VCAM1: variants seen among roughly 807,000 people sequenced by gnomAD.
VCAM1 encodes vascular cell adhesion molecule 1, also known as vascular cell adhesion protein 1.
In VCAM1, 41 loss-of-function variants were observed where a neutral mutation model predicts 63.8. That is an observed-to-expected ratio of 0.64 (90% confidence interval 0.50 to 0.83). The LOEUF (loss-of-function observed/expected upper bound fraction) is 0.83, where lower values mean the gene tolerates loss of function less well. Among genes scored for constraint, VCAM1 ranks in the 40% least tolerant of loss-of-function variants. The pLI is 0.00. For missense variants in VCAM1, 798 were observed against 875.5 expected (o/e 0.91, Z 1.12); for synonymous variants, 338 against 320.7 (o/e 1.05, Z -0.58).
rs565989993 is a variant in VCAM1 at position 100,726,556 on chromosome 1, A to T, written c.928+1666A>T. Among the ~76,000 whole-genome samples, 5 of 152,158 alleles carry T rather than the reference A, an allele frequency of 3.3e-5. No individual in the cohort carries two copies. The South Asian group carries it at 1.0e-3, about 32-fold the overall frequency. Reference sequence around the variant, plus strand: ...GGCAAAATCTTAGCCATTCTCCAATATGAAGCTCATGTCAGCCTCCCAGTT... The same window carrying T: ...GGCAAAATCTTAGCCATTCTCCAATTTGAAGCTCATGTCAGCCTCCCAGTT... On this transcript the variant is annotated intron_variant, in intron 4 of 8. Coordinates refer to ENST00000294728, the MANE Select transcript of VCAM1 (RefSeq NM_001078.4).
intron 8 of VCAM1, chr1:100,737,508 T>C (rs1286346039): frequency 6.6e-6 from 1 of 152,188 alleles, no homozygotes; most frequent in Non-Finnish European, 1.5e-5. Context: ...CAAAGAACTC[T>C]AGTTTATCAA....
chr1:100,731,404 A>G lies in VCAM1; in HGVS notation c.1411A>G (p.Ile471Val). 1 of 1,613,846 alleles carries G rather than the reference A, an allele frequency of 6.2e-7. No individual in the cohort carries two copies. The highest frequency in any genetic ancestry group is 1.1e-5 in the South Asian group (1 of 91,084). The change falls in exon 6 of 9, where the codon ATC (isoleucine) becomes GTC (valine). Residue 471 changes from isoleucine (I) to valine (V), a missense_variant. Transcript: ENST00000294728. The surrounding 1 kb of genome is among the most constrained non-coding windows in gnomAD (Gnocchi z 4.2). ...GAACAAAAGTTTGGAAATGACCTTC[A>G]TCCCTACCATTGAAGATACTGGAAA... Reference protein sequence around the residue: ...LENKSLEMTFIPTIEDTGKAL... With the variant: ...LENKSLEMTFVPTIEDTGKAL...
In VCAM1 at chr1:100,725,022, C is replaced by A. The variant is rs942548354; in HGVS notation, c.928+132C>A. 5.9e-6 allele frequency: 7 copies of A among 1,180,454 alleles called. No individual in the cohort carries two copies. The African/African-American group carries it at 7.8e-5, about 13-fold the overall frequency. The allele number at this position is 1,180,454 out of a possible 1,614,324, so 73.1% of individuals were successfully genotyped here. On this transcript the variant is annotated intron_variant, in intron 4 of 8. Transcript: ENST00000294728. ...CCTATCTGATTGCCATATCCTTTAGCACAAATATATGTTTATCTTACTAGT... is the reference window on the plus strand; with the variant it reads ...CCTATCTGATTGCCATATCCTTTAGAACAAATATATGTTTATCTTACTAGT...
In VCAM1 at chr1:100,723,194, C is replaced by A. The variant is rs777975282; in HGVS notation, c.515C>A (p.Ser172Tyr). 1 of 1,613,066 alleles carries A rather than the reference C, an allele frequency of 6.2e-7. No homozygotes were observed. The highest frequency in any genetic ancestry group is 1.1e-5 in the South Asian group (1 of 91,046). ...QEFLEDADRKSLETKSLEVTF... is the reference protein window; with the variant it reads ...QEFLEDADRKYLETKSLEVTF... Reference sequence around the variant, plus strand: ...TTTCTGGAGGATGCAGACAGGAAGTCCCTGGAAACCAAGAGTTTGGAAGTA... The same window carrying A: ...TTTCTGGAGGATGCAGACAGGAAGTACCTGGAAACCAAGAGTTTGGAAGTA... The change falls in exon 3 of 9, where the codon TCC (serine) becomes TAC (tyrosine). Residue 172 changes from serine (S) to tyrosine (Y), a missense_variant. Physicochemically the swap from Ser to Tyr is moderately radical, Grantham distance 144. Transcript: ENST00000294728.
chr1:100,734,237 T>A (rs1253101020), intron 7 of VCAM1, among the ~76,000 whole-genome samples: 1 of 152,142 alleles, frequency 6.6e-6, no homozygotes, highest in Non-Finnish European at 1.5e-5. Context: ...CCAAACCATA[T>A]CAAACACCTA....
chr1:100,724,510 G>T, intron 3 of VCAM1, 114 bp from the exon 4 acceptor site: 1 of 1,226,468 alleles, frequency 8.2e-7, no homozygotes. Context: ...TACTAATTTG[G>T]CAGAGTAATT....
Position 100,724,695 on chromosome 1 carries a change from A to G in VCAM1, c.733A>G (p.Thr245Ala). ...GCAAGAAGGTGGCTCTGTGACCATG[A>G]CCTGTTCCAGCGAGGGTCTACCAGC... The part of the protein sequence containing the change: ...KLQEGGSVTM[T>A]CSSEGLPAPE... The change falls in exon 4 of 9, where the codon ACC becomes GCC. Residue 245 changes from threonine (T) to alanine (A), a missense_variant. Transcript: ENST00000294728. 1 of 1,613,096 alleles carries G rather than the reference A, an allele frequency of 6.2e-7. No individual in the cohort carries two copies. Among genetic ancestry groups the G allele is most frequent in the Non-Finnish European group, 8.5e-7 (1 of 1,179,438 alleles).
intron 1 of VCAM1, 148 bp downstream of exon 1, chr1:100,720,072 C>A (rs1280015331): frequency 1.8e-5 from 15 of 842,198 alleles, no homozygotes; most frequent in African/African-American, 6.9e-5. Flanking sequence ...TTTTAATATG[C>A]AATTGAGTTT....
At chr1:100,726,022 CT>C (rs1660147686) in intron 4 of VCAM1, among the ~76,000 whole-genome samples, 1 of 151,938 alleles carries the variant, frequency 6.6e-6, no homozygotes, top group Non-Finnish European at 1.5e-5. Flanking sequence ...CTAACTGAAC[CT>C]TTGTATCCAT....
At chr1:100,725,857 T>A (rs1660140850) in intron 4 of VCAM1, among the ~76,000 whole-genome samples, 1 of 152,122 alleles carries the variant, frequency 6.6e-6, no homozygotes, top group Non-Finnish European at 1.5e-5. Flanking sequence ...CAATGTAGAA[T>A]GATTAAGTCA....
In VCAM1 at chr1:100,720,482, C is replaced by A; in HGVS notation, c.71C>A (p.Ala24Asp). ...TCTTTTTTTGCTTTTGCAGCTCAAG[C>A]TTTTAAAATCGAGACCACCCCAGAA... ...ILWIMFAASQ[A>D]FKIETTPESR... The change falls in exon 2 of 9, where the codon GCT becomes GAT. Residue 24 changes from alanine (A) to aspartate (D), a missense_variant. By Grantham distance (126) the Ala-to-Asp change is moderately radical (BLOSUM62 -2). Transcript: ENST00000294728. The A allele has an allele frequency of 6.2e-7, 1 of 1,604,330 alleles. No homozygotes were observed.
intron 1 of VCAM1, among the ~76,000 whole-genome samples, chr1:100,720,237 A>G (rs1225063472): frequency 6.6e-6 from 1 of 152,088 alleles, no homozygotes; most frequent in Admixed American, 6.6e-5. Flanking sequence ...TTAGCAAATA[A>G]CAAAACAGCT....
chr1:100,729,039 G>A (rs1660288527), intron 4 of VCAM1, 68 bp from the exon 5 acceptor site: 4 of 1,458,098 alleles, frequency 2.7e-6, no homozygotes, highest in Non-Finnish European at 3.6e-6. Context: ...AAGATCATAT[G>A]TCAGAATGTG....
chr1:100,723,335 T>A lies in VCAM1; in HGVS notation c.656T>A (p.Val219Asp). 2 of 1,611,966 alleles carry A rather than the reference T, an allele frequency of 1.2e-6. No individual in the cohort carries two copies. The highest frequency in any genetic ancestry group is 1.7e-6 in the Non-Finnish European group (2 of 1,178,624). ...AGGCAGGCTGTAAAAGAATTGCAAG[T>A]CTACAGTAAGTACTTGTGCGATGTG... is the stretch of plus-strand genomic sequence containing the variant. Reference protein sequence around the residue: ...TVRQAVKELQVYISPKNTVIS... With the variant: ...TVRQAVKELQDYISPKNTVIS... Residue 219 changes from valine (V) to aspartate (D), a missense_variant, in exon 3 of 9, where the codon GTC becomes GAC. Val to Asp is a radical substitution (Grantham distance 152). Transcript: ENST00000294728.
At chr1:100,732,244 T>C (rs1188844500) in intron 6 of VCAM1, among the ~76,000 whole-genome samples, 174 bp from the exon 7 acceptor site, 1 of 152,194 alleles carries the variant, frequency 6.6e-6, no homozygotes, top group Non-Finnish European at 1.5e-5. Flanking sequence ...TGTTCTACTC[T>C]ATCATTTGGT....
intron 2 of VCAM1, among the ~76,000 whole-genome samples, chr1:100,721,858 T>C (rs1044761885): frequency 2.0e-5 from 3 of 152,070 alleles, no homozygotes; most frequent in African/African-American, 7.2e-5. Context: ...GAACATTTCT[T>C]ACAGAATATG....
At chr1:100,720,440 T>A (rs1386243678) in intron 1 of VCAM1, 36 bp from the exon 2 acceptor site, 1 of 1,590,448 alleles carries the variant, frequency 6.3e-7, no homozygotes, top group Non-Finnish European at 8.6e-7. Context: ...GACAAACTAG[T>A]GGTAAATTTG....
intron 2 of VCAM1, 126 bp from the exon 3 acceptor site, chr1:100,722,894 C>G: frequency 1.9e-6 from 2 of 1,069,308 alleles, no homozygotes; most frequent in Admixed American, 3.0e-5. Flanking sequence ...GCTATTCAAA[C>G]AGTTCTGTCG....
Position 100,731,432 on chromosome 1 carries a change from C to A in VCAM1, c.1439C>A (p.Ala480Asp). The change falls in exon 6 of 9, where the codon GCT becomes GAT. Residue 480 changes from alanine (A) to aspartate (D), a missense_variant. Ala to Asp is a moderately radical substitution (Grantham distance 126). Transcript: ENST00000294728. The surrounding 1 kb of genome is among the most constrained non-coding windows in gnomAD (Gnocchi z 4.2). ...FIPTIEDTGK[A>D]LVCQAKLHID... Reference sequence around the variant, plus strand: ...CCTACCATTGAAGATACTGGAAAAGCTCTTGTTTGTCAGGCTAAGTTACAT... The same window carrying A: ...CCTACCATTGAAGATACTGGAAAAGATCTTGTTTGTCAGGCTAAGTTACAT... 6.2e-7 allele frequency: 1 copy of A among 1,613,762 alleles called. No individual in the cohort carries two copies. Among genetic ancestry groups the A allele is most frequent in the Non-Finnish European group, 8.5e-7 (1 of 1,179,824 alleles).
Sources: gnomAD v4.1 joint callset for allele counts (sites outside exome capture counted in the v4.1 genomes callset) on GRCh38, gnomAD v4.1.1 for gene constraint, Gnocchi (gnomAD v3.1) non-coding constraint, MANE v1.5 for transcripts, NCBI Gene and HGNC (gene_info 2026-07-23, HGNC 2026-07-21) for gene names.